ZNF674: variants seen among roughly 807,000 people sequenced by gnomAD.
ZNF674 encodes zinc finger protein 674.
ZNF674 carries 2 observed loss-of-function variants against 7.0 expected under a neutral mutation model. That is an observed-to-expected ratio of 0.29 (90% CI 0.12 to 0.90). The LOEUF (loss-of-function observed/expected upper bound fraction) is 0.90, where lower values mean the gene tolerates loss of function less well. Among genes scored for constraint, ZNF674 ranks in the 40% least tolerant of loss-of-function variants. The pLI is 0.57. For synonymous variants in ZNF674, 103 were observed against 145.2 expected (o/e 0.71, Z 2.09); for missense variants, 297 against 415.5 (o/e 0.71, Z 2.48).
At chrX:46,524,345 T>C (rs1056324222) in intron 5 of ZNF674, among the ~76,000 whole-genome samples, 4 of 111,349 alleles carry the variant, frequency 3.6e-5, no homozygotes, top group Non-Finnish European at 7.5e-5. Flanking sequence ...AAAGGAATGA[T>C]AGGTCATTAT....
At chrX:46,525,382 C>T (rs943230177) in intron 5 of ZNF674, 1 of 222,725 alleles carries the variant, frequency 4.5e-6, no homozygotes, top group Non-Finnish European at 8.4e-6. Flanking sequence ...GCAGGCAGAT[C>T]ACCTGAGGCT....
At chrX:46,536,830 A>G (rs1047307398) in intron 3 of ZNF674, among the ~76,000 whole-genome samples, 1 of 112,465 alleles carries the variant, frequency 8.9e-6, no homozygotes, top group Non-Finnish European at 1.9e-5. Flanking sequence ...GGGAACCCCA[A>G]AATGGTAGAA....
At chrX:46,542,669 G>A (rs748207918) in intron 2 of ZNF674, among the ~76,000 whole-genome samples, 1 of 111,179 alleles carries the variant, frequency 9.0e-6, no homozygotes, top group African/African-American at 3.3e-5. Flanking sequence ...CCATGATCAC[G>A]TCCCTGCACT....
At chrX:46,532,491 A>G (rs73630228) in intron 3 of ZNF674, among the ~76,000 whole-genome samples, 1 of 112,170 alleles carries the variant, frequency 8.9e-6, no homozygotes, top group African/African-American at 3.2e-5. Context: ...AAAAACATCA[A>G]TGGAGTTTAA....
intron 5 of ZNF674, among the ~76,000 whole-genome samples, chrX:46,522,167 G>A (rs1006434761): frequency 9.6e-6 from 1 of 104,537 alleles, no homozygotes; most frequent in East Asian, 3.0e-4. Flanking sequence ...GTGGCACGGA[G>A]GGAGCATCTA....
intron 3 of ZNF674, among the ~76,000 whole-genome samples, chrX:46,541,279 T>G (rs1415092868): frequency 5.7e-5 from 6 of 105,897 alleles, no homozygotes; most frequent in African/African-American, 2.1e-4. Flanking sequence ...GAAAATCGCT[T>G]GAACCTGGAA....
Position 46,524,155 on chromosome X carries a change from A to T in ZNF674, c.238+4195T>A, listed in dbSNP as rs141827460. ...ACATTTAAGAAATAATGCTAGTCCT[A>T]TATAAATTTCAGAAAACAGAAGAGG... On this transcript the variant is annotated intron_variant, in intron 5 of 5. Transcript: ENST00000683375. Among the ~76,000 whole-genome samples, 852 of 112,266 alleles carry T rather than the reference A, an allele frequency of 7.6e-3. 5 individuals carry two copies. The highest frequency in any genetic ancestry group is 0.026 in the African/African-American group (814 of 30,949).
At chrX:46,509,048 T>C (rs1569470591) in intron 5 of ZNF674, among the ~76,000 whole-genome samples, 1 of 110,120 alleles carries the variant, frequency 9.1e-6, no homozygotes, top group Non-Finnish European at 1.9e-5. Flanking sequence ...AAGGATTCCC[T>C]ATTTAATAAA....
intron 5 of ZNF674, among the ~76,000 whole-genome samples, chrX:46,512,766 A>AC (rs1941685165): frequency 1.3e-5 from 1 of 78,860 alleles, no homozygotes; most frequent in African/African-American, 1.2e-4. Flanking sequence ...TCCATCTCAC[A>AC]AAAAAAAAAA....
chrX:46,542,173 T>C (rs1278195101), intron 2 of ZNF674, 57 bp from the exon 3 acceptor site: 9 of 647,729 alleles, frequency 1.4e-5, no homozygotes, highest in African/African-American at 1.3e-4. Flanking sequence ...AAGATCATCA[T>C]CACCACCCTA....
intron 3 of ZNF674, among the ~76,000 whole-genome samples, chrX:46,534,218 G>A (rs1942164345): frequency 9.0e-6 from 1 of 110,610 alleles, no homozygotes; most frequent in South Asian, 3.8e-4. Flanking sequence ...CCCTTGACAC[G>A]TGGGGATTAC....
At chrX:46,509,425 T>C (rs375667019) in intron 5 of ZNF674, among the ~76,000 whole-genome samples, 6 of 108,544 alleles carry the variant, frequency 5.5e-5, no homozygotes, top group South Asian at 4.0e-4. Flanking sequence ...CTACAATGAA[T>C]TCAAACAAAT....
intron 3 of ZNF674, among the ~76,000 whole-genome samples, chrX:46,539,817 G>A (rs1942260165): frequency 8.9e-6 from 1 of 112,001 alleles, no homozygotes; most frequent in Non-Finnish European, 1.9e-5. Flanking sequence ...AGAAACCCTA[G>A]GGACAACTAA....
At chrX:46,540,892 C>T (rs1354344430) in intron 3 of ZNF674, among the ~76,000 whole-genome samples, 1 of 107,422 alleles carries the variant, frequency 9.3e-6, no homozygotes, top group Non-Finnish European at 1.9e-5. Context: ...GGTAAAGCCC[C>T]GTCTCTACTA....
chrX:46,506,282 T>G (rs1270535270), intron 5 of ZNF674, among the ~76,000 whole-genome samples: 2 of 111,432 alleles, frequency 1.8e-5, no homozygotes, highest in Non-Finnish European at 3.8e-5. Context: ...TCTGGTATGA[T>G]GTGCCTATTT....
chrX:46,507,342 C>A (rs980572040), intron 5 of ZNF674, among the ~76,000 whole-genome samples: 1 of 111,212 alleles, frequency 9.0e-6, no homozygotes, highest in Non-Finnish European at 1.9e-5. Context: ...CTGGGCAACA[C>A]AGCAAGATTC....
At chrX:46,541,945 G>T in intron 3 of ZNF674, 128 bp downstream of exon 3, 1 of 574,193 alleles carries the variant, frequency 1.7e-6, no homozygotes, top group Non-Finnish European at 2.9e-6. Context: ...GAAACCAGAG[G>T]CTGAGGACAA....
intron 5 of ZNF674, among the ~76,000 whole-genome samples, chrX:46,513,855 C>T (rs1941710176): frequency 9.0e-6 from 1 of 110,945 alleles, no homozygotes; most frequent in Non-Finnish European, 1.9e-5. Flanking sequence ...CACTTGAGTC[C>T]AGGAGTTCAA....
At chrX:46,524,057 A>G (rs1941964512) in intron 5 of ZNF674, among the ~76,000 whole-genome samples, 1 of 111,279 alleles carries the variant, frequency 9.0e-6, no homozygotes, top group African/African-American at 3.3e-5. Flanking sequence ...AAAAAAAAAA[A>G]GAATTTGTAG....
Sources: gnomAD v4.1 joint callset for allele counts (sites outside exome capture counted in the v4.1 genomes callset) on GRCh38, gnomAD v4.1.1 for gene constraint, MANE v1.5 for transcripts, NCBI Gene and HGNC (gene_info 2026-07-23, HGNC 2026-07-21) for gene names.